Variants in SLC44A5 observed in about 807,000 individuals in gnomAD.
SLC44A5 encodes the protein choline transporter-like protein 5.
A neutral mutation model predicts 101.8 loss-of-function variants in SLC44A5; 57 were observed. The ratio of observed to expected loss-of-function variants is 0.56; its 90% CI spans 0.45 to 0.70. The LOEUF is 0.70. Among genes scored for constraint, SLC44A5 ranks in the 30% least tolerant of loss-of-function variants. The pLI is 0.00. For missense variants in SLC44A5, 737 were observed against 853.1 expected (o/e 0.86, Z 1.70); for synonymous variants, 281 against 290.9 (o/e 0.97, Z 0.35).
chr1:75,346,221 G>A (rs750153742), intron 3 of SLC44A5, among the ~76,000 whole-genome samples: 6 of 152,056 alleles, frequency 3.9e-5, no homozygotes, highest in Non-Finnish European at 7.4e-5. Context: ...TTTCCTCCCA[G>A]TCTGAGTAAC....
chr1:75,497,320 C>T (rs1160689344), intron 2 of SLC44A5, among the ~76,000 whole-genome samples: 4 of 151,948 alleles, frequency 2.6e-5, no homozygotes, highest in African/African-American at 9.7e-5. Context: ...AGAAGGAAAT[C>T]CTGCCATTTG....
At chr1:75,241,136 G>A (rs1425687925) in intron 9 of SLC44A5, among the ~76,000 whole-genome samples, 1 of 151,792 alleles carries the variant, frequency 6.6e-6, no homozygotes, top group Non-Finnish European at 1.5e-5. Flanking sequence ...CACTTTAAAT[G>A]TGATGGACAT....
intron 3 of SLC44A5, among the ~76,000 whole-genome samples, chr1:75,387,991 C>T (rs960712895): frequency 4.1e-5 from 6 of 146,676 alleles, no homozygotes; most frequent in South Asian, 2.2e-4. Context: ...TATTCTCACT[C>T]ATAGGTGGGA....
chr1:75,718,763 A>G, the SLC44A5 span, among the ~76,000 whole-genome samples: 2 of 152,174 alleles, frequency 1.3e-5, no homozygotes, highest in Admixed American at 1.3e-4. Context: ...GGCAGTTCCA[A>G]GGTCATCAGG....
At chr1:75,376,695 A>C (rs1434868562) in intron 3 of SLC44A5, among the ~76,000 whole-genome samples, 1 of 151,892 alleles carries the variant, frequency 6.6e-6, no homozygotes, top group Non-Finnish European at 1.5e-5. Flanking sequence ...ACCATCATCA[A>C]AGACCAAAAG....
intron 5 of SLC44A5, among the ~76,000 whole-genome samples, chr1:75,292,096 T>C (rs762147220): frequency 2.0e-5 from 3 of 152,088 alleles, no homozygotes; most frequent in Non-Finnish European, 4.4e-5. Context: ...GGATTTTCTA[T>C]GATGAACTAC....
At chr1:75,680,449 T>A in the SLC44A5 span, among the ~76,000 whole-genome samples, 1 of 151,956 alleles carries the variant, frequency 6.6e-6, no homozygotes, top group African/African-American at 2.4e-5. Context: ...AACTCAGGAT[T>A]AAGAATCTCA....
In SLC44A5 at chr1:75,263,919, G is replaced by C. The variant is rs915518163; in HGVS notation, c.260+11039C>G. Among the ~76,000 whole-genome samples, 5 of 152,060 alleles carry C rather than the reference G, an allele frequency of 3.3e-5. No individual in the cohort carries two copies. The East Asian group carries it at 9.7e-4, about 29-fold the overall frequency. ...ATAGCATGTTCTCACTCATAAGTGG[G>C]AGTTGAACAATGAGCACACATGGAC... On this transcript the variant is annotated intron_variant, in intron 6 of 23. Transcript: ENST00000370859.
chr1:75,351,872 G>A (rs1190479415), intron 3 of SLC44A5, among the ~76,000 whole-genome samples: 5 of 89,694 alleles, frequency 5.6e-5, no homozygotes, highest in Admixed American at 2.5e-4. Context: ...AAAAAAAAGA[G>A]AGAGAGAGAG....
chr1:75,595,036 A>C (rs910563688), intron 1 of SLC44A5, among the ~76,000 whole-genome samples: 1 of 152,020 alleles, frequency 6.6e-6, no homozygotes. Context: ...ATTTTCAATA[A>C]ATTACTTTTT....
At chr1:75,581,078 G>A (rs1176532827) in intron 1 of SLC44A5, among the ~76,000 whole-genome samples, 1 of 152,112 alleles carries the variant, frequency 6.6e-6, no homozygotes, top group Non-Finnish European at 1.5e-5. Flanking sequence ...AACAAATTAT[G>A]TTACTCCATT....
In SLC44A5 at chr1:75,411,052, T is replaced by C. The variant is rs549698212; in HGVS notation, c.14-14431A>G. On this transcript the variant is annotated intron_variant, in intron 2 of 23. Transcript: ENST00000370859. ...GATGATCAAAGTATAGTGTGGAAGT[T>C]ACCAGCTTTGGGGATTCAAACTGGA... is the stretch of plus-strand genomic sequence containing the variant. 4.6e-5 allele frequency among the ~76,000 whole-genome samples: 7 copies of C among 152,228 alleles called. No homozygotes were observed. The East Asian group carries it at 1.2e-3, about 25-fold the overall frequency.
chr1:75,658,095 G>A, the SLC44A5 span, among the ~76,000 whole-genome samples: 10 of 151,708 alleles, frequency 6.6e-5, no homozygotes, highest in Non-Finnish European at 1.5e-4. Flanking sequence ...TGTTGTTGTT[G>A]TCGTTGTTGT....
intron 4 of SLC44A5, chr1:75,311,641 A>T: frequency 1.2e-6 from 1 of 868,984 alleles, no homozygotes; most frequent in Non-Finnish European, 1.4e-6. Flanking sequence ...ACTGTGGCAG[A>T]TGCTATGAAA....
chr1:75,504,070 G>T (rs935507797), intron 2 of SLC44A5, among the ~76,000 whole-genome samples: 7 of 151,904 alleles, frequency 4.6e-5, no homozygotes, highest in Non-Finnish European at 7.4e-5. Context: ...TAACTTTTAT[G>T]AGATAATCAA....
At chr1:75,219,693 A>G in intron 15 of SLC44A5, 107 bp downstream of exon 15, 1 of 692,104 alleles carries the variant, frequency 1.4e-6, no homozygotes, top group Non-Finnish European at 2.5e-6. Flanking sequence ...GTTATTTCTT[A>G]GTACATTCCT....
At chr1:75,228,256 G>A (rs1647272211) in intron 12 of SLC44A5, among the ~76,000 whole-genome samples, 1 of 151,946 alleles carries the variant, frequency 6.6e-6, no homozygotes, top group Non-Finnish European at 1.5e-5. Flanking sequence ...TGATTTTTGA[G>A]GTTATTTTAA....
chr1:75,638,877 A>G, the SLC44A5 span, among the ~76,000 whole-genome samples: 13 of 152,222 alleles, frequency 8.5e-5, no homozygotes, highest in South Asian at 2.7e-3. Context: ...ATCAGAATGT[A>G]GATATCTTCT....
At chr1:75,618,664 T>G in the SLC44A5 span, among the ~76,000 whole-genome samples, 13 of 152,228 alleles carry the variant, frequency 8.5e-5, no homozygotes, top group African/African-American at 3.1e-4. Context: ...TGTGGTATAA[T>G]CCATTGCTCC....
Sources: gnomAD v4.1 joint callset for allele counts (sites outside exome capture counted in the v4.1 genomes callset) on GRCh38, gnomAD v4.1.1 for gene constraint, MANE v1.5 for transcripts, NCBI Gene and HGNC (gene_info 2026-07-23, HGNC 2026-07-21) for gene names.